CDK5RAP2: variants seen among roughly 807,000 people sequenced by gnomAD.
CDK5RAP2 encodes CDK5 regulatory subunit associated protein 2, also known as CDK5 regulatory subunit-associated protein 2.
Under a neutral mutation model 232.9 loss-of-function variants are expected in CDK5RAP2, and 147 were observed. The ratio of observed to expected loss-of-function variants is 0.63; its 90% CI spans 0.55 to 0.72. The LOEUF is 0.72. Among genes scored for constraint, CDK5RAP2 ranks in the 30% least tolerant of loss-of-function variants. CDK5RAP2 has a pLI of 0.00. For missense variants in CDK5RAP2, 2,195 were observed against 2,231.5 expected (o/e 0.98, Z 0.33); for synonymous variants, 833 against 833.7 (o/e 1.00, Z 0.01).
intron 18 of CDK5RAP2, 117 bp downstream of exon 18, chr9:120,467,743 C>A: frequency 9.3e-7 from 1 of 1,073,328 alleles, no homozygotes; most frequent in East Asian, 2.5e-5. Flanking sequence ...CGTCCTGGGC[C>A]CAAGTGATCC....
chr9:120,453,647 G>C lies in CDK5RAP2; in HGVS notation c.2602C>G (p.Leu868Val), dbSNP rs142340223. 7.7e-5 allele frequency: 125 copies of C among 1,614,190 alleles called. No homozygotes were observed. The African/African-American group carries it at 1.3e-3, about 17-fold the overall frequency. Residue 868 changes from leucine (L) to valine (V), a missense_variant, in exon 21 of 38, where the codon CTG becomes GTG. Transcript: ENST00000349780. ...ACAGTCTGCACTGAGGCATCTTTCA[G>C]TCCTACCTTGGGCACTTCGCCTGCC... Reference protein sequence around the residue: ...VKAGEVPKVGLKDASVQTVAT... With the variant: ...VKAGEVPKVGVKDASVQTVAT...
chr9:120,394,636 A>C lies in CDK5RAP2; in HGVS notation c.5454T>G (p.Ile1818Met), dbSNP rs114128928. The change falls in exon 36 of 38, where the codon ATT becomes ATG. Residue 1818 changes from isoleucine (I) to methionine (M), a missense_variant and splice_region_variant. Coordinates refer to ENST00000349780, the MANE Select transcript of CDK5RAP2 (RefSeq NM_018249.6). ...TGGTGACCTCTGCCTTCATTTCTCC[A>C]ATCTAAAGAGAAGAGAAATTAGAAA... The part of the protein sequence containing the change: ...DGQCPLHCEQ[I>M]GEMKAEVTKL... 1.1e-3 allele frequency: 1,812 copies of C among 1,609,274 alleles called. 12 individuals carry two copies. In the African/African-American group the frequency reaches 0.02, roughly 18 times the overall value.
At chr9:120,548,822 G>T (rs1036137178) in intron 4 of CDK5RAP2, among the ~76,000 whole-genome samples, 2 of 152,072 alleles carry the variant, frequency 1.3e-5, no homozygotes, top group Admixed American at 1.3e-4. Context: ...AAAACAAAAA[G>T]AATAAAGAAA....
intron 23 of CDK5RAP2, 101 bp downstream of exon 23, chr9:120,443,519 G>C: frequency 7.7e-7 from 1 of 1,300,678 alleles, no homozygotes; most frequent in South Asian, 1.2e-5. Flanking sequence ...ATAATGCCCT[G>C]AGAGGGCTGC....
At chr9:120,420,560 C>T (rs2034505404) in intron 26 of CDK5RAP2, among the ~76,000 whole-genome samples, 1 of 152,060 alleles carries the variant, frequency 6.6e-6, no homozygotes, top group African/African-American at 2.4e-5. Flanking sequence ...TGGTTATTAA[C>T]CTGTATTTCC....
Position 120,443,420 on chromosome 9 carries a change from C to T in CDK5RAP2, c.3148+200G>A, listed in dbSNP as rs117351867. Among the ~76,000 whole-genome samples the T allele has an allele frequency of 0.021, 3,251 of 152,322 alleles. 55 individuals carry two copies. Among genetic ancestry groups the T allele is most frequent in the Non-Finnish European group, 0.029 (1,981 of 68,030 alleles). On this transcript the variant is annotated intron_variant, in intron 23 of 37. Transcript: ENST00000349780. ...GGTGGGTTCTGACATCCTACTGTAC[C>T]TTGACTCTTCTCCTACTTACCAGCT...
intron 12 of CDK5RAP2, among the ~76,000 whole-genome samples, chr9:120,518,209 G>GAC (rs1176183909): frequency 4.1e-5 from 4 of 98,364 alleles, no homozygotes; most frequent in African/African-American, 9.4e-5. Flanking sequence ...GTGTGTGTGT[G>GAC]TGAGAGAGAG....
At position 120,394,635 on chromosome 9, in the gene CDK5RAP2, C is replaced by T; in HGVS notation, c.5455G>A (p.Gly1819Arg). 1 of 1,608,958 alleles carries T rather than the reference C, an allele frequency of 6.2e-7. No individual in the cohort carries two copies. ...GQCPLHCEQI[G>R]EMKAEVTKLH... ...TTGGTGACCTCTGCCTTCATTTCTC[C>T]AATCTAAAGAGAAGAGAAATTAGAA... Residue 1819 changes from glycine to arginine, a missense_variant, in exon 36 of 38, where the codon GGA (glycine) becomes AGA (arginine). Coordinates refer to ENST00000349780, the MANE Select transcript of CDK5RAP2 (RefSeq NM_018249.6).
At chr9:120,457,192 T>C (rs577238573) in intron 20 of CDK5RAP2, among the ~76,000 whole-genome samples, 1 of 152,286 alleles carries the variant, frequency 6.6e-6, no homozygotes, top group East Asian at 1.9e-4. Context: ...CCCAACCAAG[T>C]GTCAGAGCAA....
At chr9:120,453,405 G>T in intron 21 of CDK5RAP2, 51 bp downstream of exon 21, 5 of 1,534,204 alleles carry the variant, frequency 3.3e-6, no homozygotes, top group Non-Finnish European at 3.5e-6. Flanking sequence ...GATTTTTAAA[G>T]TTTTTTGTTT....
intron 32 of CDK5RAP2, among the ~76,000 whole-genome samples, chr9:120,405,979 TA>T: frequency 6.6e-6 from 1 of 152,240 alleles, no homozygotes; most frequent in Non-Finnish European, 1.5e-5. Flanking sequence ...ATGCAAATTT[TA>T]AAAAATGATC....
intron 21 of CDK5RAP2, among the ~76,000 whole-genome samples, 157 bp from the exon 22 acceptor site, chr9:120,448,283 G>T (rs1459337092): frequency 6.6e-6 from 1 of 152,074 alleles, no homozygotes; most frequent in African/African-American, 2.4e-5. Flanking sequence ...ACCAGCCAAG[G>T]AGCTTGTATC....
intron 8 of CDK5RAP2, among the ~76,000 whole-genome samples, chr9:120,529,499 C>T (rs2041051710): frequency 6.6e-6 from 1 of 152,204 alleles, no homozygotes; most frequent in African/African-American, 2.4e-5. Context: ...TCTACCTTGC[C>T]AGGTGGCTGG....
At position 120,422,583 on chromosome 9, in the gene CDK5RAP2, G is replaced by A. The variant is rs1588291910; in HGVS notation, c.4004+110C>T. 9.8e-6 allele frequency: 8 copies of A among 819,318 alleles called. No individual in the cohort carries two copies. The East Asian group carries it at 2.0e-4, about 20-fold the overall frequency. The allele number at this position is 819,318 out of a possible 1,614,324, so 50.8% of individuals were successfully genotyped here. On this transcript the variant is annotated intron_variant, in intron 26 of 37. Transcript: ENST00000349780. Reference sequence around the variant, plus strand: ...ATAGATGTTTATACCTTATTTACAAGAAGCAGGAAACAAACAGAATGGGAA... The same window carrying A: ...ATAGATGTTTATACCTTATTTACAAAAAGCAGGAAACAAACAGAATGGGAA...
intron 35 of CDK5RAP2, among the ~76,000 whole-genome samples, chr9:120,397,122 G>C (rs938117945): frequency 6.6e-6 from 1 of 152,212 alleles, no homozygotes; most frequent in Non-Finnish European, 1.5e-5. Context: ...CCTCCCAGGA[G>C]GCCTCAGGCT....
chr9:120,531,172 C>T (rs1378287105), intron 7 of CDK5RAP2, among the ~76,000 whole-genome samples: 1 of 152,088 alleles, frequency 6.6e-6, no homozygotes, highest in Non-Finnish European at 1.5e-5. Flanking sequence ...AGTAGCCTCA[C>T]TTTCAGTTCT....
chr9:120,462,008 ACT>A (rs1327092312), intron 18 of CDK5RAP2, among the ~76,000 whole-genome samples: 8 of 152,126 alleles, frequency 5.3e-5, no homozygotes. Context: ...CTCCAGCCCA[ACT>A]CTCTGTTTTT....
intron 32 of CDK5RAP2, among the ~76,000 whole-genome samples, chr9:120,405,942 A>G (rs1037362442): frequency 6.6e-6 from 1 of 152,240 alleles, no homozygotes; most frequent in South Asian, 2.1e-4. Flanking sequence ...ATATAAATTC[A>G]TGCTCATATT....
intron 14 of CDK5RAP2, among the ~76,000 whole-genome samples, chr9:120,477,758 G>A (rs1358104766): frequency 1.3e-5 from 2 of 152,178 alleles, no homozygotes; most frequent in Non-Finnish European, 2.9e-5. Context: ...CCTCAGAGCT[G>A]CTGTTCATCG....
Sources: allele counts gnomAD v4.1 joint callset (sites outside exome capture counted in the v4.1 genomes callset), GRCh38; gene constraint gnomAD v4.1.1; transcripts MANE v1.5; gene names NCBI Gene and HGNC (gene_info 2026-07-23, HGNC 2026-07-21).